Variants in CT45A10 observed in about 807,000 individuals in gnomAD.
CT45A10 encodes cancer/testis antigen family 45 member A10.
In CT45A10, 19 loss-of-function variants were observed where a neutral mutation model predicts 8.3. The observed-to-expected ratio is 2.30, with a 90% CI of 1.61 to 3.38. CT45A10 has a LOEUF of 3.38. Among genes scored for constraint, CT45A10 ranks in the 30% most tolerant of loss-of-function variants. CT45A10 has a pLI of 0.00. For missense variants in CT45A10, 149 were observed against 85.9 expected, an observed-to-expected ratio of 1.73 and a Z score of -2.90; for synonymous variants, 28 against 26.5, an observed-to-expected ratio of 1.06 and a Z score of -0.17.
At chrX:135,892,721 T>G (rs1277417073) in intron 1 of CT45A10, among the ~76,000 whole-genome samples, 1 of 111,611 alleles carries the variant, frequency 9.0e-6, no homozygotes, top group Non-Finnish European at 1.9e-5. Context: ...AAGCGTCTGG[T>G]AAGCGTCCCC....
At position 135,893,364 on chromosome X, in the gene CT45A10, C is replaced by G. The variant is rs782575033; in HGVS notation, c.-26G>C. 8.9e-6 allele frequency among the ~76,000 whole-genome samples: 1 copy of G among 112,801 alleles called. No individual in the cohort carries two copies. Among genetic ancestry groups the G allele is most frequent in the Non-Finnish European group, 1.9e-5 (1 of 53,273 alleles). ...CCTGACCTTGCCGGAGGAGGGGCGG[C>G]AGCACCTCACAAAATGGCAGTGAAG... On this transcript the variant is annotated 5_prime_UTR_variant, in exon 1 of 5. Coordinates refer to ENST00000682849, the MANE Select transcript of CT45A10 (RefSeq NM_001291529.2).
chrX:135,892,023 A>AG (rs2148067813), intron 1 of CT45A10, among the ~76,000 whole-genome samples: 1 of 109,644 alleles, frequency 9.1e-6, no homozygotes, highest in East Asian at 2.9e-4. Flanking sequence ...GCTCCGAAAA[A>AG]AAAAAAACAA....
At chrX:135,892,084 GC>G (rs2088508135) in intron 1 of CT45A10, among the ~76,000 whole-genome samples, 1 of 109,787 alleles carries the variant, frequency 9.1e-6, no homozygotes, top group South Asian at 3.9e-4. Flanking sequence ...ACTTTGGGAG[GC>G]CGAATTGGGC....
intron 1 of CT45A10, among the ~76,000 whole-genome samples, chrX:135,890,463 C>T (rs2088490126): frequency 8.9e-6 from 1 of 112,564 alleles, no homozygotes; most frequent in Non-Finnish European, 1.9e-5. Flanking sequence ...TAAGTCTGGA[C>T]ATCTAAAACT....
intron 3 of CT45A10, 126 bp downstream of exon 3, chrX:135,882,882 C>T (rs2088396774): frequency 3.8e-6 from 3 of 788,750 alleles, no homozygotes; most frequent in Non-Finnish European, 5.5e-6. Context: ...GAGGAACCAC[C>T]ATAAATTATG....
intron 1 of CT45A10, among the ~76,000 whole-genome samples, chrX:135,891,858 C>A (rs1214390618): frequency 9.0e-6 from 1 of 111,059 alleles, no homozygotes; most frequent in Non-Finnish European, 1.9e-5. Context: ...TACATATATG[C>A]CTGTGTGCAT....
At position 135,883,120 on chromosome X, in the gene CT45A10, G is replaced by C. The variant is rs1479078625; in HGVS notation, c.306C>G (p.Phe102Leu). 8.4e-7 allele frequency: 1 copy of C among 1,197,514 alleles called. No homozygotes were observed. Among genetic ancestry groups the C allele is most frequent in the African/African-American group, 1.8e-5 (1 of 56,520 alleles). ...APVGGNVTSN[F>L]SGDDLECRGI... Reference sequence around the variant, plus strand: ...CTCTGCATTCTAGGTCATCTCCAGAGAAATTGCTGGTAACGTTTCCTCCCA... The same window carrying C: ...CTCTGCATTCTAGGTCATCTCCAGACAAATTGCTGGTAACGTTTCCTCCCA... Residue 102 changes from phenylalanine (F) to leucine (L), a missense_variant, in exon 3 of 5, where the codon TTC becomes TTG. Coordinates refer to ENST00000682849, the MANE Select transcript of CT45A10 (RefSeq NM_001291529.2).
chrX:135,883,689 C>A (rs1485790111), intron 2 of CT45A10, among the ~76,000 whole-genome samples: 3,504 of 75,573 alleles, frequency 0.046, 121 homozygotes, highest in South Asian at 0.069. Context: ...AACTCACTTA[C>A]AAACTGCCAT....
chrX:135,883,066 T>G lies in CT45A10; in HGVS notation c.360A>C (p.Gln120His), dbSNP rs1452814850. The G allele has an allele frequency of 3.9e-5, 47 of 1,197,409 alleles. 1 individual carries two copies. The East Asian group carries it at 1.3e-3, about 34-fold the overall frequency. ...RGIASSPKSQ[Q>H]EINADIKCQV... ...GACATTTTATATCAGCATTAATTTC[T>G]TGTTGGCTTTTGGGAGAGGAGGCTA... The change falls in exon 3 of 5, where the codon CAA (glutamine) becomes CAC (histidine). Residue 120 changes from glutamine to histidine, a missense_variant. Transcript: ENST00000682849.
At chrX:135,890,917 G>A (rs928773001) in intron 1 of CT45A10, among the ~76,000 whole-genome samples, 2 of 111,898 alleles carry the variant, frequency 1.8e-5, no homozygotes, top group Non-Finnish European at 3.8e-5. Context: ...AATTAAAACC[G>A]TGTGGTATTG....
chrX:135,892,018 G>GAAAA (rs11437506), intron 1 of CT45A10, among the ~76,000 whole-genome samples: 2 of 98,192 alleles, frequency 2.0e-5, no homozygotes, highest in Admixed American at 1.1e-4. Flanking sequence ...AAAGTGCTCC[G>GAAAA]AAAAAAAAAA....
chrX:135,883,148 G>A lies in CT45A10; in HGVS notation c.278C>T (p.Pro93Leu). Residue 93 changes from proline to leucine, a missense_variant, in exon 3 of 5, where the codon CCT becomes CTT. Coordinates refer to ENST00000682849, the MANE Select transcript of CT45A10 (RefSeq NM_001291529.2). ...GMMQKPGSNA[P>L]VGGNVTSNFS... The stretch of plus-strand genomic sequence containing the variant: ...ATTGCTGGTAACGTTTCCTCCCACA[G>A]GTGCATTGCTACCAGGTTTCTGCAT... 1 of 1,198,815 alleles carries A rather than the reference G, an allele frequency of 8.3e-7. No homozygotes were observed. Among genetic ancestry groups the A allele is most frequent in the East Asian group, 3.0e-5 (1 of 33,633 alleles).
intron 1 of CT45A10, among the ~76,000 whole-genome samples, chrX:135,892,460 G>T (rs1556590556): frequency 9.0e-6 from 1 of 111,465 alleles, no homozygotes; most frequent in Non-Finnish European, 1.9e-5. Context: ...AGACATCTGA[G>T]GCTATGGCTG....
intron 1 of CT45A10, among the ~76,000 whole-genome samples, chrX:135,890,349 G>A (rs782102198): frequency 3.6e-5 from 4 of 112,575 alleles, no homozygotes; most frequent in East Asian, 2.8e-4. Flanking sequence ...AGAGCGCTCC[G>A]GGGTAGGCAT....
In CT45A10 at chrX:135,882,611, T is replaced by C; in HGVS notation, c.437A>G (p.Glu146Gly). The change falls in exon 4 of 5, where the codon GAA becomes GGA. Residue 146 changes from glutamate to glycine, a missense_variant. Transcript: ENST00000682849. ...AGGTCCTTGCACTCCTTCAAGCATT[T>C]CGAAGATTTTTTCATATTCTGAAGA... ...CLGRKYEKIF[E>G]MLEGVQGPTA... 8.6e-7 allele frequency: 1 copy of C among 1,163,318 alleles called. No homozygotes were observed. Among genetic ancestry groups the C allele is most frequent in the South Asian group, 1.8e-5 (1 of 54,816 alleles).
chrX:135,889,730 A>C (rs1267951748), intron 1 of CT45A10, among the ~76,000 whole-genome samples: 5 of 108,661 alleles, frequency 4.6e-5, no homozygotes, highest in Non-Finnish European at 7.6e-5. Context: ...ACGCACCTGT[A>C]GTCCCGCTAA....
intron 2 of CT45A10, among the ~76,000 whole-genome samples, chrX:135,883,526 A>G (rs2088413290): frequency 9.1e-6 from 1 of 110,158 alleles, no homozygotes; most frequent in Admixed American, 9.7e-5. Flanking sequence ...ACCACCTCCT[A>G]TTTTCTGTCG....
chrX:135,892,972 G>A (rs1337912459), intron 1 of CT45A10, among the ~76,000 whole-genome samples: 1 of 110,443 alleles, frequency 9.1e-6, no homozygotes, highest in Non-Finnish European at 1.9e-5. Flanking sequence ...CCCCCTCAGG[G>A]CTGCCACCGA....
chrX:135,890,954 G>C (rs1446204650), intron 1 of CT45A10, among the ~76,000 whole-genome samples: 1 of 111,585 alleles, frequency 9.0e-6, no homozygotes, highest in Non-Finnish European at 1.9e-5. Flanking sequence ...ATACACCAAG[G>C]GCAGAGGACA....
Sources: gnomAD v4.1 joint callset for allele counts (sites outside exome capture counted in the v4.1 genomes callset) on GRCh38, gnomAD v4.1.1 for gene constraint, MANE v1.5 for transcripts, NCBI Gene and HGNC (gene_info 2026-07-23, HGNC 2026-07-21) for gene names.